EBF1: variants seen among roughly 807,000 people sequenced by gnomAD.
The protein encoded by EBF1 is transcription factor COE1.
EBF1 carries 10 observed loss-of-function variants against 68.4 expected under a neutral mutation model. That is an observed-to-expected ratio of 0.15 (90% CI 0.09 to 0.25). The LOEUF (loss-of-function observed/expected upper bound fraction) is 0.25, where lower values mean the gene tolerates loss of function less well. Ranked by LOEUF, EBF1 falls within the 10% of genes least tolerant of loss-of-function variation. The probability of loss-of-function intolerance (pLI) is 1.00; values close to 1 mark genes in which losing one functional copy is unlikely to be tolerated. For missense variants in EBF1, 509 were observed against 794.4 expected (o/e 0.64, Z 4.32); for synonymous variants, 298 against 299.8 (o/e 0.99, Z 0.06).
chr5:158,924,790 T>C (rs993969651), intron 6 of EBF1, among the ~76,000 whole-genome samples: 1 of 144,456 alleles, frequency 6.9e-6, no homozygotes, highest in African/African-American at 2.7e-5. Flanking sequence ...GAGGCGCAGC[T>C]TGTGGTGAGC....
chr5:159,052,875 A>G (rs1774052780), intron 6 of EBF1, among the ~76,000 whole-genome samples: 1 of 152,124 alleles, frequency 6.6e-6, no homozygotes, highest in African/African-American at 2.4e-5. Context: ...TTGTGGTTGT[A>G]ATTTAAATGA....
chr5:158,878,066 A>T (rs77239429), intron 6 of EBF1, among the ~76,000 whole-genome samples: 19,474 of 151,286 alleles, frequency 0.13, 1,313 homozygotes, highest in African/African-American at 0.14. Flanking sequence ...GAGAAGTTTA[A>T]ATCAATTTGC....
At chr5:158,745,479 G>A (rs1767353747) in intron 10 of EBF1, among the ~76,000 whole-genome samples, 3 of 152,092 alleles carry the variant, frequency 2.0e-5, no homozygotes, top group Admixed American at 1.3e-4. Context: ...CCTAAGCCAG[G>A]TACACAGAAG....
intron 11 of EBF1, among the ~76,000 whole-genome samples, chr5:158,715,158 A>T (rs1340619132): frequency 6.6e-6 from 1 of 152,216 alleles, no homozygotes; most frequent in Non-Finnish European, 1.5e-5. Context: ...AACCAAACGT[A>T]AGGGTGTGGT....
At chr5:158,791,760 C>A (rs765581381) in intron 9 of EBF1, among the ~76,000 whole-genome samples, 4 of 152,030 alleles carry the variant, frequency 2.6e-5, no homozygotes, top group East Asian at 1.9e-4. Flanking sequence ...CAGAACTTAG[C>A]GTGAATTGTA....
At chr5:159,015,310 G>A (rs937547348) in intron 6 of EBF1, among the ~76,000 whole-genome samples, 1 of 152,168 alleles carries the variant, frequency 6.6e-6, no homozygotes, top group Non-Finnish European at 1.5e-5. Flanking sequence ...AGAACTCATG[G>A]TGAACTCCCA....
At chr5:158,851,876 G>T (rs1243343047) in intron 6 of EBF1, among the ~76,000 whole-genome samples, 1 of 57,052 alleles carries the variant, frequency 1.8e-5, no homozygotes, top group Non-Finnish European at 3.5e-5. Context: ...GAGGTGAAGG[G>T]TGTGGAGGGG....
chr5:159,006,754 C>T (rs958794446), intron 6 of EBF1, among the ~76,000 whole-genome samples: 1 of 146,666 alleles, frequency 6.8e-6, no homozygotes. Flanking sequence ...CTTAATTATA[C>T]CCAACTATAC....
intron 6 of EBF1, among the ~76,000 whole-genome samples, chr5:158,904,018 A>G (rs1196176466): frequency 6.6e-6 from 1 of 152,164 alleles, no homozygotes; most frequent in Non-Finnish European, 1.5e-5. Flanking sequence ...GTAGAGGCTC[A>G]GGGTAAAAGA....
At chr5:158,921,843 A>T (rs2127406029) in intron 6 of EBF1, among the ~76,000 whole-genome samples, 1 of 152,364 alleles carries the variant, frequency 6.6e-6, no homozygotes, top group Non-Finnish European at 1.5e-5. Context: ...CTGGGGAAAG[A>T]TTCCCTGGCA....
chr5:158,845,814 C>T (rs1354961266), intron 6 of EBF1, among the ~76,000 whole-genome samples: 2 of 151,992 alleles, frequency 1.3e-5, no homozygotes, highest in Non-Finnish European at 2.9e-5. Flanking sequence ...TGCCTTAAAT[C>T]GTGGAGAACT....
At chr5:158,966,450 C>A (rs943990518) in intron 6 of EBF1, among the ~76,000 whole-genome samples, 1 of 152,062 alleles carries the variant, frequency 6.6e-6, no homozygotes, top group Non-Finnish European at 1.5e-5. Context: ...TCTACAAAAG[C>A]AGCATTACAG....
intron 6 of EBF1, among the ~76,000 whole-genome samples, chr5:158,992,605 C>T (rs1760561671): frequency 6.6e-6 from 1 of 152,180 alleles, no homozygotes; most frequent in South Asian, 2.1e-4. Flanking sequence ...ACTTACATAC[C>T]ATTTCTGGAT....
chr5:158,963,730 A>G (rs1290728197), intron 6 of EBF1, among the ~76,000 whole-genome samples: 2 of 152,246 alleles, frequency 1.3e-5, no homozygotes, highest in African/African-American at 2.4e-5. Context: ...CCAGCTATTA[A>G]TGAATGGCAG....
At chr5:158,768,607 G>A (rs1773246367) in intron 10 of EBF1, among the ~76,000 whole-genome samples, 1 of 152,078 alleles carries the variant, frequency 6.6e-6, no homozygotes, top group African/African-American at 2.4e-5. Context: ...AGTAAAGAAT[G>A]AAAAACAAAA....
intron 6 of EBF1, among the ~76,000 whole-genome samples, chr5:158,901,765 C>A (rs1417419234): frequency 6.6e-6 from 1 of 152,158 alleles, no homozygotes; most frequent in Non-Finnish European, 1.5e-5. Flanking sequence ...CCCCGGTTTA[C>A]ACAGAGAGTG....
chr5:158,964,147 T>C (rs987746509), intron 6 of EBF1, among the ~76,000 whole-genome samples: 1 of 151,978 alleles, frequency 6.6e-6, no homozygotes, highest in African/African-American at 2.4e-5. Flanking sequence ...ATACCAGTTA[T>C]AGGGGAAAAC....
chr5:158,702,407 A>ACCAT (rs995164345), intron 15 of EBF1, among the ~76,000 whole-genome samples: 2 of 152,118 alleles, frequency 1.3e-5, no homozygotes, highest in African/African-American at 4.8e-5. Flanking sequence ...ACATCACAAG[A>ACCAT]CCATGGTGGC....
chr5:158,955,905 G>A (rs1816964459), intron 6 of EBF1, among the ~76,000 whole-genome samples: 1 of 152,166 alleles, frequency 6.6e-6, no homozygotes. Flanking sequence ...CTTACCAAAG[G>A]AGGAGTACCT....
Sources: allele counts gnomAD v4.1 joint callset (sites outside exome capture counted in the v4.1 genomes callset), GRCh38; gene constraint gnomAD v4.1.1; transcripts MANE v1.5; gene names NCBI Gene and HGNC (gene_info 2026-07-23, HGNC 2026-07-21).